The following CA10 variants were observed in gnomAD, a reference collection of about 807,000 sequenced individuals.
CA10 encodes carbonic anhydrase 10 (inactive).
Under a neutral mutation model 44.2 loss-of-function variants are expected in CA10, and 14 were observed. The ratio of observed to expected loss-of-function variants is 0.32; its 90% CI spans 0.21 to 0.50. The LOEUF is 0.50. CA10 is among the 20% of genes least tolerant of loss of function. The probability of loss-of-function intolerance (pLI) is 0.99; values close to 1 mark genes in which losing one functional copy is unlikely to be tolerated. For missense variants in CA10, 350 were observed against 409.7 expected (o/e 0.85, Z 1.26); for synonymous variants, 159 against 141.6 (o/e 1.12, Z -0.87).
intron 3 of CA10, among the ~76,000 whole-genome samples, chr17:51,838,827 C>T (rs1471908058): frequency 6.6e-6 from 1 of 152,196 alleles, no homozygotes; most frequent in African/African-American, 2.4e-5. Context: ...CTGCTCCTGC[C>T]CTTCTCATCT....
rs142071431 is a variant in CA10, at chr17:51,818,279, T to A, written c.280-70461A>T. 4.8e-4 allele frequency among the ~76,000 whole-genome samples: 73 copies of A among 152,200 alleles called. 2 individuals are homozygous for A. The East Asian group carries it at 0.013, about 26-fold the overall frequency. Reference sequence around the variant, plus strand: ...ATAAGTTAGCTGAGTAAATCTTTCTTTTTTAAGTCTGCACTAAAAGAAAGT... The same window carrying A: ...ATAAGTTAGCTGAGTAAATCTTTCTATTTTAAGTCTGCACTAAAAGAAAGT... On this transcript the variant is annotated intron_variant, in intron 3 of 8. Coordinates refer to ENST00000451037, the MANE Select transcript of CA10 (RefSeq NM_020178.5).
At chr17:51,989,485 A>G (rs1289777008) in intron 2 of CA10, among the ~76,000 whole-genome samples, 1 of 152,082 alleles carries the variant, frequency 6.6e-6, no homozygotes, top group Non-Finnish European at 1.5e-5. Context: ...TTATTCTACT[A>G]TAAAGGCACA....
At chr17:51,885,794 G>T (rs1045383088) in intron 3 of CA10, among the ~76,000 whole-genome samples, 2 of 152,170 alleles carry the variant, frequency 1.3e-5, no homozygotes, top group East Asian at 3.9e-4. Context: ...TCCAGTGCTT[G>T]GACTGTAACA....
In CA10 at chr17:51,631,686, T is replaced by G. The variant is rs1912587831; in HGVS notation, c.965-80A>C. On this transcript the variant is annotated intron_variant, in intron 8 of 8. Coordinates refer to ENST00000451037, the MANE Select transcript of CA10 (RefSeq NM_020178.5). ...TACTCAATTAATTTGCACACAGTTT[T>G]AGAGAATTCCTCCAGAGGGGAAGGG... 6.5e-6 allele frequency: 8 copies of G among 1,228,356 alleles called. No individual in the cohort carries two copies. In the Admixed American group the frequency reaches 1.4e-4, roughly 21 times the overall value. 76.1% of individuals were successfully genotyped at this position (1,228,356 alleles called of 1,614,324 possible).
intron 1 of CA10, among the ~76,000 whole-genome samples, chr17:52,136,854 T>C (rs1330395748): frequency 6.6e-6 from 1 of 152,170 alleles, no homozygotes; most frequent in African/African-American, 2.4e-5. Flanking sequence ...ATGGAAATAA[T>C]CTAAGAGAAT....
chr17:51,735,425 T>C (rs1916868202), intron 4 of CA10, among the ~76,000 whole-genome samples: 1 of 152,122 alleles, frequency 6.6e-6, no homozygotes, highest in Non-Finnish European at 1.5e-5. Context: ...AACTGACTGA[T>C]GGGTACTATG....
intron 2 of CA10, among the ~76,000 whole-genome samples, chr17:52,023,969 G>T (rs947641714): frequency 6.6e-6 from 1 of 151,640 alleles, no homozygotes; most frequent in Non-Finnish European, 1.5e-5. Context: ...TTTTATTCTT[G>T]TTGGGGTTTG....
intron 3 of CA10, among the ~76,000 whole-genome samples, chr17:51,831,839 C>G (rs1440045280): frequency 6.6e-6 from 1 of 152,042 alleles, no homozygotes; most frequent in Non-Finnish European, 1.5e-5. Context: ...TCATGGTTAG[C>G]TTAGACCAAC....
At chr17:52,056,368 A>G (rs1987231011) in intron 2 of CA10, among the ~76,000 whole-genome samples, 1 of 152,038 alleles carries the variant, frequency 6.6e-6, no homozygotes, top group African/African-American at 2.4e-5. Flanking sequence ...ATAAGAAGTC[A>G]TGAAGCGGGT....
intron 3 of CA10, among the ~76,000 whole-genome samples, chr17:51,859,097 A>ATTAG (rs1320738582): frequency 6.6e-6 from 1 of 152,106 alleles, no homozygotes; most frequent in Non-Finnish European, 1.5e-5. Flanking sequence ...GTTAATTATA[A>ATTAG]TTAGTTAATA....
intron 3 of CA10, among the ~76,000 whole-genome samples, chr17:51,778,763 T>C (rs1041366909): frequency 8.5e-5 from 13 of 152,298 alleles, no homozygotes; most frequent in African/African-American, 3.1e-4. Flanking sequence ...GAGGAGAGTA[T>C]GCTAGAAGGT....
intron 4 of CA10, among the ~76,000 whole-genome samples, chr17:51,723,894 C>T (rs1368846319): frequency 6.6e-6 from 1 of 152,190 alleles, no homozygotes; most frequent in Non-Finnish European, 1.5e-5. Context: ...GCCAGCCAGC[C>T]CATGTTTACT....
At chr17:51,852,077 T>C (rs1978819563) in intron 3 of CA10, among the ~76,000 whole-genome samples, 1 of 152,134 alleles carries the variant, frequency 6.6e-6, no homozygotes, top group African/African-American at 2.4e-5. Flanking sequence ...GTAGAAGAAA[T>C]ACAAAGGCAA....
chr17:51,882,105 C>T (rs1980404601), intron 3 of CA10, among the ~76,000 whole-genome samples: 2 of 150,654 alleles, frequency 1.3e-5, no homozygotes. Flanking sequence ...TAGAGTTACA[C>T]GGCCTGACTT....
intron 3 of CA10, chr17:51,748,342 A>C (rs1904779800): frequency 6.6e-6 from 2 of 304,816 alleles, no homozygotes; most frequent in Non-Finnish European, 9.6e-6. Context: ...CAGACATTGC[A>C]CAGAATCCTC....
intron 2 of CA10, among the ~76,000 whole-genome samples, chr17:51,964,416 C>T (rs1230676184): frequency 2.0e-5 from 3 of 151,984 alleles, no homozygotes; most frequent in Non-Finnish European, 4.4e-5. Flanking sequence ...ACCTAATGGA[C>T]ATCTATATAA....
intron 4 of CA10, among the ~76,000 whole-genome samples, chr17:51,711,375 C>T (rs921801620): frequency 6.6e-6 from 1 of 152,284 alleles, no homozygotes; most frequent in Admixed American, 6.5e-5. Context: ...TTTCCTTACC[C>T]TCAGTACAAA....
chr17:51,729,804 G>A (rs778677763), intron 4 of CA10, among the ~76,000 whole-genome samples: 1 of 152,120 alleles, frequency 6.6e-6, no homozygotes, highest in Non-Finnish European at 1.5e-5. Flanking sequence ...TGGATATTGA[G>A]GTTGCATTTC....
At chr17:51,703,452 T>C (rs539033893) in intron 4 of CA10, among the ~76,000 whole-genome samples, 11 of 152,262 alleles carry the variant, frequency 7.2e-5, no homozygotes, top group Non-Finnish European at 1.2e-4. Context: ...TTAGACTCTA[T>C]GGTCTCATTC....
Sources: gnomAD v4.1 joint callset for allele counts (sites outside exome capture counted in the v4.1 genomes callset) on GRCh38, gnomAD v4.1.1 for gene constraint, MANE v1.5 for transcripts, NCBI Gene and HGNC (gene_info 2026-07-23, HGNC 2026-07-21) for gene names.